KCNIP4: variants seen among roughly 807,000 people sequenced by gnomAD.
KCNIP4 encodes potassium voltage-gated channel interacting protein 4.
A neutral mutation model predicts 34.0 loss-of-function variants in KCNIP4; 12 were observed. The observed-to-expected ratio is 0.35, with a 90% CI of 0.23 to 0.57. The LOEUF is 0.57. KCNIP4 is among the 20% of genes least tolerant of loss of function. The pLI is 0.83. For missense variants in KCNIP4, 238 were observed against 311.7 expected, an observed-to-expected ratio of 0.76 and a Z score of 1.78; for synonymous variants, 124 against 102.2, an observed-to-expected ratio of 1.21 and a Z score of -1.29.
At chr4:21,249,861 T>A (rs537116541) in intron 1 of KCNIP4, among the ~76,000 whole-genome samples, 1 of 152,146 alleles carries the variant, frequency 6.6e-6, no homozygotes, top group Non-Finnish European at 1.5e-5. Context: ...TATGAAAAAA[T>A]TTTCCCCTTT....
chr4:20,973,579 G>A (rs1735187576), intron 1 of KCNIP4, among the ~76,000 whole-genome samples: 1 of 152,132 alleles, frequency 6.6e-6, no homozygotes, highest in Non-Finnish European at 1.5e-5. Context: ...TTCACAATTT[G>A]GCTAACTGGC....
chr4:21,683,625 C>T (rs929824520), intron 1 of KCNIP4, among the ~76,000 whole-genome samples: 3 of 151,392 alleles, frequency 2.0e-5, no homozygotes, highest in East Asian at 1.9e-4. Flanking sequence ...CCCGCCACCA[C>T]GCCTGGCTAA....
chr4:21,064,429 A>T (rs1472752695), intron 1 of KCNIP4, among the ~76,000 whole-genome samples: 1 of 152,010 alleles, frequency 6.6e-6, no homozygotes, highest in Non-Finnish European at 1.5e-5. Context: ...AAAATGCTGC[A>T]ATAGTATGTC....
chr4:21,689,907 C>A lies in KCNIP4; in HGVS notation c.61+258664G>T, dbSNP rs368677082. On this transcript the variant is annotated intron_variant, in intron 1 of 8. Transcript: ENST00000382152. The stretch of plus-strand genomic sequence containing the variant: ...TTGATCTACTGCAGGGTTTTATTCA[C>A]CCTCCTTTAAAAACATAAAGTGAAC... 1.8e-4 allele frequency among the ~76,000 whole-genome samples: 28 copies of A among 151,946 alleles called. 1 individual carries two copies. The South Asian group carries it at 3.1e-3, about 17-fold the overall frequency.
At chr4:21,936,111 G>C (rs936843418) in intron 1 of KCNIP4, among the ~76,000 whole-genome samples, 1 of 151,910 alleles carries the variant, frequency 6.6e-6, no homozygotes, top group South Asian at 2.1e-4. Flanking sequence ...AGTAAAGCAG[G>C]GTAAAGAGAT....
intron 1 of KCNIP4, among the ~76,000 whole-genome samples, chr4:21,565,298 G>C (rs746496644): frequency 2.0e-5 from 3 of 152,108 alleles, no homozygotes; most frequent in Non-Finnish European, 4.4e-5. Context: ...GAGAAAAAGT[G>C]ATCTCTGGTC....
intron 1 of KCNIP4, among the ~76,000 whole-genome samples, chr4:21,176,403 A>C (rs1307939108): frequency 6.6e-6 from 1 of 152,178 alleles, no homozygotes; most frequent in Non-Finnish European, 1.5e-5. Context: ...TAAATAAATA[A>C]AATAAATTGG....
chr4:21,087,146 A>ATTTGTGTG, intron 1 of KCNIP4, among the ~76,000 whole-genome samples: 1 of 110,934 alleles, frequency 9.0e-6, no homozygotes, highest in Non-Finnish European at 1.8e-5. Context: ...CTGCTGGGTA[A>ATTTGTGTG]TGTGTGTGTG....
intron 1 of KCNIP4, among the ~76,000 whole-genome samples, chr4:21,213,193 G>A (rs904344434): frequency 6.6e-6 from 1 of 152,100 alleles, no homozygotes; most frequent in African/African-American, 2.4e-5. Flanking sequence ...AAAGTTGGGG[G>A]CACTTCTCAA....
At chr4:21,261,739 G>A (rs1463978286) in intron 1 of KCNIP4, among the ~76,000 whole-genome samples, 1 of 152,024 alleles carries the variant, frequency 6.6e-6, no homozygotes, top group Non-Finnish European at 1.5e-5. Context: ...TACAATACAA[G>A]CTAGTGCCAT....
At chr4:21,936,310 C>T (rs1729858914) in intron 1 of KCNIP4, among the ~76,000 whole-genome samples, 1 of 152,072 alleles carries the variant, frequency 6.6e-6, no homozygotes, top group African/African-American at 2.4e-5. Flanking sequence ...TTATAAGGGG[C>T]TTCCGCTTTT....
chr4:20,966,447 A>G (rs1310197996), intron 1 of KCNIP4, among the ~76,000 whole-genome samples: 1 of 152,172 alleles, frequency 6.6e-6, no homozygotes, highest in African/African-American at 2.4e-5. Context: ...CACTTACCAT[A>G]GAGATTTAGA....
At chr4:21,172,815 G>C (rs535276717) in intron 1 of KCNIP4, among the ~76,000 whole-genome samples, 2 of 152,076 alleles carry the variant, frequency 1.3e-5, no homozygotes, top group South Asian at 2.1e-4. Flanking sequence ...AGTCAATCAG[G>C]CTTCCCAGGT....
At chr4:21,704,542 A>T (rs1713118774) in intron 1 of KCNIP4, among the ~76,000 whole-genome samples, 1 of 152,202 alleles carries the variant, frequency 6.6e-6, no homozygotes, top group South Asian at 2.1e-4. Context: ...TTAGAACATG[A>T]GCAAAAAACA....
chr4:20,873,848 T>A (rs2149513261), intron 2 of KCNIP4, among the ~76,000 whole-genome samples: 1 of 152,342 alleles, frequency 6.6e-6, no homozygotes, highest in East Asian at 1.9e-4. Context: ...GCTGCTTCTC[T>A]TTCATACTTC....
intron 1 of KCNIP4, among the ~76,000 whole-genome samples, chr4:21,090,349 T>G (rs1177648775): frequency 6.6e-6 from 1 of 152,158 alleles, no homozygotes; most frequent in Non-Finnish European, 1.5e-5. Context: ...ACAGTTACAC[T>G]TTGCTGAAAC....
intron 3 of KCNIP4, among the ~76,000 whole-genome samples, chr4:20,803,727 G>GGAAGGATGGAAGGA (rs779473449): frequency 1.1e-5 from 1 of 91,442 alleles, no homozygotes; most frequent in Admixed American, 1.1e-4. Context: ...GAGAGAGAGA[G>GGAAGGATGGAAGGA]AGGAAGGAAG....
intron 5 of KCNIP4, among the ~76,000 whole-genome samples, chr4:20,739,918 A>C (rs1460093551): frequency 6.6e-6 from 1 of 152,208 alleles, no homozygotes; most frequent in Non-Finnish European, 1.5e-5. Context: ...CGGAGCTGAA[A>C]ACCATGGCAC....
intron 1 of KCNIP4, among the ~76,000 whole-genome samples, chr4:21,276,195 A>G (rs1387743507): frequency 1.3e-5 from 2 of 152,196 alleles, no homozygotes; most frequent in East Asian, 1.9e-4. Flanking sequence ...CTTAATCCAC[A>G]GTGCCTGTGA....
Sources: gnomAD v4.1 joint callset for allele counts (sites outside exome capture counted in the v4.1 genomes callset) on GRCh38, gnomAD v4.1.1 for gene constraint, MANE v1.5 for transcripts, NCBI Gene and HGNC (gene_info 2026-07-23, HGNC 2026-07-21) for gene names.